GALNT3: variants seen among roughly 807,000 people sequenced by gnomAD.
The protein encoded by GALNT3 is polypeptide N-acetylgalactosaminyltransferase 3.
Under a neutral mutation model 69.8 loss-of-function variants are expected in GALNT3, and 51 were observed. The observed-to-expected ratio is 0.73, with a 90% CI of 0.58 to 0.92. The LOEUF (loss-of-function observed/expected upper bound fraction) is 0.92. GALNT3 is among the 40% of genes least tolerant of loss of function. The pLI, the probability that GALNT3 is intolerant of heterozygous loss-of-function variation, is 0.00. For synonymous variants in GALNT3, 265 were observed against 248.5 expected (o/e 1.07, Z -0.63); for missense variants, 711 against 760.0 (o/e 0.94, Z 0.76).
intron 1 of GALNT3, among the ~76,000 whole-genome samples, chr2:165,791,530 AGAGTT>A (rs1683351377): frequency 6.6e-6 from 1 of 152,162 alleles, no homozygotes; most frequent in African/African-American, 2.4e-5. Flanking sequence ...TGGAGTTTAC[AGAGTT>A]GAGGCAGAGA....
rs1200570927 is a variant in GALNT3 at position 165,748,744 on chromosome 2, A to G, written c.*37T>C. 6.3e-7 allele frequency: 1 copy of G among 1,575,658 alleles called. No homozygotes were observed. Among genetic ancestry groups the G allele is most frequent in the African/African-American group, 1.3e-5 (1 of 74,426 alleles). On this transcript the variant is annotated 3_prime_UTR_variant, in exon 11 of 11. Transcript: ENST00000392701. ...ATGCCTAGTCACAGTTTTATGAGAA[A>G]GAATATTTCCTTTTTCAACTTAATT...
rs571077116 is a variant in GALNT3, at chr2:165,791,054, C to T, written c.-109+2961G>A. Reference sequence around the variant, plus strand: ...AAATATTTCTAGTTTTTCCTGTTCCCAAATACACTACAGCATGATGAGAAC... The same window carrying T: ...AAATATTTCTAGTTTTTCCTGTTCCTAAATACACTACAGCATGATGAGAAC... On this transcript the variant is annotated intron_variant, in intron 1 of 10. Coordinates refer to ENST00000392701, the MANE Select transcript of GALNT3 (RefSeq NM_004482.4). Among the ~76,000 whole-genome samples the T allele has an allele frequency of 2.6e-5, 4 of 151,994 alleles. No homozygotes were observed. In the South Asian group the frequency reaches 8.3e-4, roughly 32 times the overall value.
At chr2:165,755,888 C>T (rs1688435861) in intron 7 of GALNT3, among the ~76,000 whole-genome samples, 1 of 152,156 alleles carries the variant, frequency 6.6e-6, no homozygotes, top group Admixed American at 6.5e-5. Flanking sequence ...TAGCTTATTA[C>T]ATTTACCATG....
At chr2:165,771,864 G>A (rs1006506116) in intron 1 of GALNT3, among the ~76,000 whole-genome samples, 9 of 152,142 alleles carry the variant, frequency 5.9e-5, no homozygotes, top group Non-Finnish European at 1.3e-4. Context: ...TTCTAAGATG[G>A]ATTCTCTGGC....
intron 4 of GALNT3, among the ~76,000 whole-genome samples, chr2:165,760,319 G>T (rs1331486426): frequency 6.6e-6 from 1 of 152,158 alleles, no homozygotes; most frequent in Non-Finnish European, 1.5e-5. Context: ...ATTCAAAGCT[G>T]CCCCAGACCT....
chr2:165,783,331 T>C (rs1683152205), intron 1 of GALNT3, among the ~76,000 whole-genome samples: 1 of 151,700 alleles, frequency 6.6e-6, no homozygotes, highest in African/African-American at 2.4e-5. Context: ...ATTCCTTTTT[T>C]GAAGGAGTCC....
intron 1 of GALNT3, among the ~76,000 whole-genome samples, chr2:165,785,106 C>T (rs148507523): frequency 1.5e-3 from 226 of 152,128 alleles, no homozygotes; most frequent in African/African-American, 5.1e-3. Flanking sequence ...CTAGAAATCC[C>T]ATAGATACGC....
At chr2:165,750,307 C>T (rs62174817) in intron 9 of GALNT3, among the ~76,000 whole-genome samples, 15 of 152,154 alleles carry the variant, frequency 9.9e-5, no homozygotes, top group Non-Finnish European at 1.9e-4. Flanking sequence ...CACCATGCCT[C>T]AGTTTTCTCA....
chr2:165,790,176 A>C (rs1683314252), intron 1 of GALNT3, among the ~76,000 whole-genome samples: 1 of 152,228 alleles, frequency 6.6e-6, no homozygotes, highest in Non-Finnish European at 1.5e-5. Flanking sequence ...AACTGAAACA[A>C]TTATAGGGAA....
At chr2:165,765,733 C>A (rs997968522) in intron 2 of GALNT3, among the ~76,000 whole-genome samples, 1 of 152,058 alleles carries the variant, frequency 6.6e-6, no homozygotes, top group Non-Finnish European at 1.5e-5. Flanking sequence ...TGTGATCCAC[C>A]CGCCTAGGCC....
intron 1 of GALNT3, among the ~76,000 whole-genome samples, chr2:165,790,264 C>A (rs1042399425): frequency 6.6e-6 from 1 of 152,158 alleles, no homozygotes; most frequent in Non-Finnish European, 1.5e-5. Context: ...AAGGAAGTGT[C>A]ATATAATTGT....
rs199930810 is a variant in GALNT3, at chr2:165,757,120, G to A, written c.1319C>T (p.Ala440Val). The change falls in exon 7 of 11, where the codon GCA (alanine) becomes GTA (valine). Residue 440 changes from alanine to valine, a missense_variant. Coordinates refer to ENST00000392701, the MANE Select transcript of GALNT3 (RefSeq NM_004482.4). ...QVIARNQVRL[A>V]EVWMDEYKEI... ...CTTGTATTCATCCATCCAGACTTCT[G>A]CAAGGCGAACTTGGTTTCTAGCAAT... is the stretch of plus-strand genomic sequence containing the variant. 6.2e-7 allele frequency: 1 copy of A among 1,613,836 alleles called. No homozygotes were observed.
At chr2:165,792,776 A>G (rs927811517) in intron 1 of GALNT3, among the ~76,000 whole-genome samples, 7 of 152,196 alleles carry the variant, frequency 4.6e-5, no homozygotes, top group Admixed American at 3.9e-4. Context: ...TTCAGATATT[A>G]AAAGTTAAAT....
rs1688734315 is a variant in GALNT3 at position 165,770,575 on chromosome 2, A to G, written c.126T>C (p.Ser42=). 6.2e-7 allele frequency: 1 copy of G among 1,612,516 alleles called. No individual in the cohort carries two copies. Among genetic ancestry groups the G allele is most frequent in the Non-Finnish European group, 8.5e-7 (1 of 1,179,240 alleles). ...IVLVLMQREV[S]VQYSKEESRM... is the part of the protein sequence containing the mutation. ...TTGATTCCTCTTTGGAATATTGAACACTTACTTCTCTTTGCATTAAAACCA... is the reference window on the plus strand; with the variant it reads ...TTGATTCCTCTTTGGAATATTGAACGCTTACTTCTCTTTGCATTAAAACCA... The change falls in exon 2 of 11, where the codon AGT becomes AGC. Residue 42 remains serine (S), a synonymous_variant. Coordinates refer to ENST00000392701, the MANE Select transcript of GALNT3 (RefSeq NM_004482.4).
intron 1 of GALNT3, among the ~76,000 whole-genome samples, chr2:165,790,070 T>C (rs1266546190): frequency 6.6e-6 from 1 of 152,224 alleles, no homozygotes; most frequent in Non-Finnish European, 1.5e-5. Context: ...AGATGAAGGT[T>C]CTGGTTTGAA....
intron 4 of GALNT3, chr2:165,761,631 A>G: frequency 3.3e-6 from 2 of 612,548 alleles, no homozygotes. Flanking sequence ...AAAAAAAAAG[A>G]GGCAAGGATA....
At chr2:165,784,337 T>C (rs1683176627) in intron 1 of GALNT3, among the ~76,000 whole-genome samples, 1 of 152,162 alleles carries the variant, frequency 6.6e-6, no homozygotes. Flanking sequence ...GTGCTGAATA[T>C]GGAATTTTTG....
At chr2:165,790,428 A>G (rs897096643) in intron 1 of GALNT3, among the ~76,000 whole-genome samples, 3 of 152,196 alleles carry the variant, frequency 2.0e-5, no homozygotes, top group African/African-American at 4.8e-5. Context: ...CCCAAATTAC[A>G]TAGTATGAAT....
chr2:165,754,088 T>A (rs565604771), intron 9 of GALNT3, among the ~76,000 whole-genome samples: 22 of 151,826 alleles, frequency 1.4e-4, no homozygotes, highest in South Asian at 4.1e-4. Context: ...TTTTTTTTTT[T>A]AATTTGTTTG....
Sources: gnomAD v4.1 joint callset for allele counts (sites outside exome capture counted in the v4.1 genomes callset) on GRCh38, gnomAD v4.1.1 for gene constraint, MANE v1.5 for transcripts, NCBI Gene and HGNC (gene_info 2026-07-23, HGNC 2026-07-21) for gene names.